MSI2: variants seen among roughly 807,000 people sequenced by gnomAD.
MSI2 encodes musashi RNA binding protein 2, also known as RNA-binding protein Musashi homolog 2.
MSI2 carries 17 observed loss-of-function variants against 45.6 expected under a neutral mutation model. The observed-to-expected ratio is 0.37, with a 90% CI of 0.26 to 0.56. The LOEUF (loss-of-function observed/expected upper bound fraction) is 0.56, where lower values mean the gene tolerates loss of function less well. Among genes scored for constraint, MSI2 ranks in the 20% least tolerant of loss-of-function variants. The pLI is 0.77. For synonymous variants in MSI2, 156 were observed against 158.2 expected (o/e 0.99, Z 0.11); for missense variants, 293 against 444.2 (o/e 0.66, Z 3.06).
At chr17:57,599,569 G>A (rs139081543) in intron 8 of MSI2, among the ~76,000 whole-genome samples, 2 of 152,330 alleles carry the variant, frequency 1.3e-5, no homozygotes, top group African/African-American at 4.8e-5. Context: ...CACGTAACCG[G>A]GTTTTTAGTG....
At chr17:57,699,774 C>G in the MSI2 span, among the ~76,000 whole-genome samples, 1 of 152,194 alleles carries the variant, frequency 6.6e-6, no homozygotes, top group Non-Finnish European at 1.5e-5. Flanking sequence ...TGGATGGGGG[C>G]CAAGGAGCAC....
intron 6 of MSI2, among the ~76,000 whole-genome samples, chr17:57,490,305 A>G (rs1239127308): frequency 6.6e-6 from 1 of 152,154 alleles, no homozygotes; most frequent in Non-Finnish European, 1.5e-5. Flanking sequence ...CTTAAGTCTA[A>G]TATGTTTAGA....
chr17:57,681,673 G>T lies in MSI2; in HGVS notation c.*2156G>T, dbSNP rs989794591. 9 of 189,776 alleles carry T rather than the reference G, an allele frequency of 4.7e-5. No homozygotes were observed. The highest frequency in any genetic ancestry group is 8.8e-5 in the Non-Finnish European group (8 of 90,842). The allele number at this position is 189,776 out of a possible 1,614,324, so 11.8% of individuals were successfully genotyped here. ...ATGTTCTTTGTTTTTCTAATAAAAT[G>T]TTAGGTTGTTTGGTGAGGTTTTTTT... is the stretch of plus-strand genomic sequence containing the variant. On this transcript the variant is annotated 3_prime_UTR_variant, in exon 14 of 14. Transcript: ENST00000284073.
intron 5 of MSI2, among the ~76,000 whole-genome samples, chr17:57,317,354 C>T (rs573566562): frequency 1.3e-5 from 2 of 152,220 alleles, no homozygotes; most frequent in African/African-American, 4.8e-5. Flanking sequence ...ACTTCTGTCC[C>T]TGGGAAAATT....
intron 7 of MSI2, among the ~76,000 whole-genome samples, chr17:57,571,358 C>T (rs2087872873): frequency 6.6e-6 from 1 of 152,174 alleles, no homozygotes; most frequent in Non-Finnish European, 1.5e-5. Flanking sequence ...AGGGGCCTGA[C>T]CTTGCCACCT....
chr17:57,449,018 G>A (rs970385209), intron 6 of MSI2: 5 of 152,220 alleles, frequency 3.3e-5, no homozygotes, highest in East Asian at 3.8e-4. Flanking sequence ...TATCATGAGC[G>A]GCATCATGAT....
chr17:57,316,770 G>A (rs1443184089), intron 5 of MSI2, among the ~76,000 whole-genome samples: 1 of 152,182 alleles, frequency 6.6e-6, no homozygotes, highest in Non-Finnish European at 1.5e-5. Flanking sequence ...AGGTGACTAT[G>A]GGAACTGAGT....
chr17:57,495,336 C>T lies in MSI2; in HGVS notation c.406-34340C>T, dbSNP rs139255619. On this transcript the variant is annotated intron_variant, in intron 6 of 13. Coordinates refer to ENST00000284073, the MANE Select transcript of MSI2 (RefSeq NM_138962.4). ...TCACCTGAAGTCAGGAGTTCCAGACCAGCCTGACCAACATAGTGAAACCCC... is the reference window on the plus strand; with the variant it reads ...TCACCTGAAGTCAGGAGTTCCAGACTAGCCTGACCAACATAGTGAAACCCC... Among the ~76,000 whole-genome samples the T allele has an allele frequency of 4.4e-3, 673 of 152,052 alleles. 9 individuals are homozygous for T. Among genetic ancestry groups the T allele is most frequent in the African/African-American group, 0.015 (635 of 41,468 alleles).
chr17:57,648,507 G>A (rs868820342), intron 10 of MSI2, among the ~76,000 whole-genome samples: 71 of 152,284 alleles, frequency 4.7e-4, no homozygotes, highest in African/African-American at 1.6e-3. Context: ...TGCGTGCTCT[G>A]CTGTTTGCTG....
chr17:57,257,093 T>G lies in MSI2; in HGVS notation c.63-5T>G. 1 of 1,524,550 alleles carries G rather than the reference T, an allele frequency of 6.6e-7. No individual in the cohort carries two copies. Among genetic ancestry groups the G allele is most frequent in the African/African-American group, 1.4e-5 (1 of 69,310 alleles). 94.4% of individuals were successfully genotyped at this position (1,524,550 alleles called of 1,614,324 possible). A position where few individuals can be genotyped will look rare whatever the true frequency, so the allele number is the denominator to read the frequency against. Reference sequence around the variant, plus strand: ...GCTCACTTCTGTTATGTTTTCTCCCTCTAGTAAAATGTTTATCGGTGGACT... The same window carrying G: ...GCTCACTTCTGTTATGTTTTCTCCCGCTAGTAAAATGTTTATCGGTGGACT... On this transcript the variant is annotated splice_region_variant and splice_polypyrimidine_tract_variant and intron_variant, in intron 1 of 13. Coordinates refer to ENST00000284073, the MANE Select transcript of MSI2 (RefSeq NM_138962.4).
At chr17:57,357,079 TC>T (rs1916480598) in intron 5 of MSI2, among the ~76,000 whole-genome samples, 1 of 152,164 alleles carries the variant, frequency 6.6e-6, no homozygotes, top group Admixed American at 6.5e-5. Flanking sequence ...TCTTGTGTGC[TC>T]GAGAGCTTGC....
chr17:57,489,982 T>C (rs1302030322), intron 6 of MSI2, among the ~76,000 whole-genome samples: 1 of 152,178 alleles, frequency 6.6e-6, no homozygotes, highest in Non-Finnish European at 1.5e-5. Context: ...TTGGGCTCTA[T>C]GAACAACTTA....
At chr17:57,581,071 G>A (rs1176402567) in intron 7 of MSI2, among the ~76,000 whole-genome samples, 1 of 134,488 alleles carries the variant, frequency 7.4e-6, no homozygotes, top group African/African-American at 2.8e-5. Flanking sequence ...GGAGTGCAGT[G>A]GCACGATCTC....
At chr17:57,650,510 C>G (rs2144681330) in intron 10 of MSI2, among the ~76,000 whole-genome samples, 1 of 152,240 alleles carries the variant, frequency 6.6e-6, no homozygotes, top group Non-Finnish European at 1.5e-5. Context: ...CCTTGGTCTC[C>G]CTCTCGGTTC....
chr17:57,612,866 T>C (rs1907305423), intron 8 of MSI2, among the ~76,000 whole-genome samples: 2 of 152,234 alleles, frequency 1.3e-5, no homozygotes, highest in South Asian at 4.1e-4. Flanking sequence ...GTTAGCGGTA[T>C]TATTCCCCTT....
chr17:57,366,337 C>A (rs2143932213), intron 5 of MSI2, among the ~76,000 whole-genome samples: 1 of 152,340 alleles, frequency 6.6e-6, no homozygotes, highest in South Asian at 2.1e-4. Flanking sequence ...CTGTCTCCCC[C>A]AGCCTGGGCC....
chr17:57,265,491 A>G (rs2143219231), intron 5 of MSI2: 1 of 152,354 alleles, frequency 6.6e-6, no homozygotes, highest in East Asian at 1.9e-4. Flanking sequence ...TCATATTAGT[A>G]CTGTCATAAT....
intron 11 of MSI2, among the ~76,000 whole-genome samples, chr17:57,668,263 C>T (rs900748102): frequency 5.3e-5 from 8 of 152,050 alleles, no homozygotes; most frequent in African/African-American, 4.8e-5. Flanking sequence ...TACACCAATC[C>T]GAATGGTAGT....
intron 6 of MSI2, among the ~76,000 whole-genome samples, chr17:57,502,263 G>T (rs991417331): frequency 2.6e-5 from 4 of 152,146 alleles, no homozygotes; most frequent in Non-Finnish European, 4.4e-5. Context: ...ATTAAAAGAT[G>T]AGTTTAACTT....
Sources: allele counts gnomAD v4.1 joint callset (sites outside exome capture counted in the v4.1 genomes callset), GRCh38; gene constraint gnomAD v4.1.1; transcripts MANE v1.5; gene names NCBI Gene and HGNC (gene_info 2026-07-23, HGNC 2026-07-21).